IRAK1BP1: variants seen among roughly 807,000 people sequenced by gnomAD.
IRAK1BP1 encodes the protein interleukin 1 receptor associated kinase 1 binding protein 1.
In IRAK1BP1, 24 loss-of-function variants were observed where a neutral mutation model predicts 28.0. The observed-to-expected ratio is 0.86, with a 90% CI of 0.62 to 1.20. The LOEUF is 1.20. Ranked by LOEUF, IRAK1BP1 falls within the 50% of genes most tolerant of loss-of-function variation. IRAK1BP1 has a pLI of 0.00. For synonymous variants in IRAK1BP1, 131 were observed against 116.3 expected (o/e 1.13, Z -0.81); for missense variants, 336 against 316.7 (o/e 1.06, Z -0.46).
chr6:78,971,956 C>T, the IRAK1BP1 span, among the ~76,000 whole-genome samples: 6 of 152,126 alleles, frequency 3.9e-5, no homozygotes, highest in South Asian at 6.2e-4. Flanking sequence ...GGGGGAGGGG[C>T]GCCCACCATT....
At chr6:78,891,214 A>G (rs1582013468) in intron 2 of IRAK1BP1, among the ~76,000 whole-genome samples, 1 of 152,258 alleles carries the variant, frequency 6.6e-6, no homozygotes, top group East Asian at 1.9e-4. Flanking sequence ...CAGGAATTCA[A>G]TGAAGACTAG....
intron 1 of IRAK1BP1, among the ~76,000 whole-genome samples, chr6:78,876,015 T>A (rs948950616): frequency 1.3e-5 from 2 of 152,182 alleles, no homozygotes; most frequent in Non-Finnish European, 2.9e-5. Flanking sequence ...ATTGTTATCA[T>A]CATGATTTGT....
chr6:78,901,725 TTACA>T lies in IRAK1BP1; in HGVS notation c.*3395_*3398del, dbSNP rs1378812766. The T allele has an allele frequency of 6.6e-6, 1 of 152,184 alleles. No individual in the cohort carries two copies. The allele number at this position is 152,184 out of a possible 1,614,324, so 9.4% of individuals were successfully genotyped here. A position where few individuals can be genotyped will look rare whatever the true frequency, so the allele number is the denominator to read the frequency against. On this transcript the variant is annotated 3_prime_UTR_variant, in exon 4 of 4. Coordinates refer to ENST00000369940, the MANE Select transcript of IRAK1BP1 (RefSeq NM_001010844.4). The stretch of plus-strand genomic sequence containing the variant: ...TAATGAATTTTAGGATTCCATTCAA[TTACA>T]TACTAAAAATTACATTTTTTATAGT...
chr6:78,883,712 A>C (rs529173219), intron 1 of IRAK1BP1, among the ~76,000 whole-genome samples: 2 of 152,328 alleles, frequency 1.3e-5, no homozygotes, highest in East Asian at 1.9e-4. Flanking sequence ...TCTTGCAGTC[A>C]GTCTTGGTCC....
At chr6:78,940,636 C>T in intron 4 of IRAK1BP1, 1 of 953,544 alleles carries the variant, frequency 1.0e-6, no homozygotes, top group East Asian at 5.5e-5. Flanking sequence ...CTTAGTTCTA[C>T]TTATTCCTTA....
the IRAK1BP1 span, among the ~76,000 whole-genome samples, chr6:78,967,430 G>A: frequency 6.6e-6 from 1 of 152,184 alleles, no homozygotes; most frequent in African/African-American, 2.4e-5. Flanking sequence ...AGTAATGTGT[G>A]CCTAATCATA....
intron 4 of IRAK1BP1, among the ~76,000 whole-genome samples, chr6:78,942,053 G>A (rs2127678546): frequency 6.6e-6 from 1 of 152,216 alleles, no homozygotes; most frequent in Non-Finnish European, 1.5e-5. Flanking sequence ...TTTCTGACAT[G>A]TTTTTATTTG....
At chr6:78,945,534 A>G in exon 5 of IRAK1BP1, 1 of 1,277,746 alleles carries the variant, frequency 7.8e-7, no homozygotes, top group African/African-American at 1.5e-5. Flanking sequence ...ATTAAGAGTT[A>G]TTGAACCTAA....
chr6:78,972,871 G>A, the IRAK1BP1 span, among the ~76,000 whole-genome samples: 1 of 152,096 alleles, frequency 6.6e-6, no homozygotes, highest in African/African-American at 2.4e-5. Context: ...AAGAAATATA[G>A]GACTATGTGA....
At chr6:78,968,091 C>T in the IRAK1BP1 span, among the ~76,000 whole-genome samples, 1 of 152,062 alleles carries the variant, frequency 6.6e-6, no homozygotes, top group African/African-American at 2.4e-5. Flanking sequence ...GCCAAGATCA[C>T]GGCACTGCAC....
At chr6:78,894,077 G>A (rs1304628892) in intron 2 of IRAK1BP1, among the ~76,000 whole-genome samples, 1 of 152,152 alleles carries the variant, frequency 6.6e-6, no homozygotes, top group South Asian at 2.1e-4. Context: ...ATGGTAGATT[G>A]TAATAACTTA....
chr6:78,920,821 A>AAT (rs555254093), intron 4 of IRAK1BP1, among the ~76,000 whole-genome samples: 423 of 151,758 alleles, frequency 2.8e-3, no homozygotes, highest in Non-Finnish European at 4.4e-3. Flanking sequence ...GTGCATAGCA[A>AAT]ATATATATAT....
At position 78,898,208 on chromosome 6, in the gene IRAK1BP1, G is replaced by A. The variant is rs1225561604; in HGVS notation, c.657G>A (p.Gln219=). The part of the protein sequence containing the change: ...KEWEGQIDDH[Q]SSRLSSSLTV... The stretch of plus-strand genomic sequence containing the variant: ...GGGAAGGCCAAATAGATGATCACCA[G>A]TCATCCAGACTCTCAAGTTCATTAA... The change falls in exon 4 of 4, where the codon CAG becomes CAA. Residue 219 remains glutamine, a synonymous_variant. Transcript: ENST00000369940. 10 of 1,613,552 alleles carry A rather than the reference G, an allele frequency of 6.2e-6. No individual in the cohort carries two copies. Among genetic ancestry groups the A allele is most frequent in the Non-Finnish European group, 8.5e-6 (10 of 1,179,874 alleles).
chr6:78,940,826 T>C (rs1388203673), intron 4 of IRAK1BP1: 5 of 1,614,042 alleles, frequency 3.1e-6, no homozygotes, highest in Non-Finnish European at 3.4e-6. Context: ...ATCCTCATTA[T>C]AGAAAGCTGT....
chr6:78,870,474 T>G (rs1202238316), intron 1 of IRAK1BP1, among the ~76,000 whole-genome samples: 1 of 151,912 alleles, frequency 6.6e-6, no homozygotes, highest in Admixed American at 6.6e-5. Flanking sequence ...GTCCATACAC[T>G]TCACATAATG....
At chr6:78,955,569 T>C in the IRAK1BP1 span, 3 of 674,826 alleles carry the variant, frequency 4.4e-6, no homozygotes, top group African/African-American at 1.9e-5. Context: ...AATTTTTTTA[T>C]ATAGAGAATA....
chr6:78,974,714 A>G, the IRAK1BP1 span, among the ~76,000 whole-genome samples: 1 of 152,344 alleles, frequency 6.6e-6, no homozygotes, highest in African/African-American at 2.4e-5. Flanking sequence ...CCACAGAAAT[A>G]CAAACTACCA....
the IRAK1BP1 span, chr6:78,963,296 T>G: frequency 6.7e-7 from 1 of 1,498,712 alleles, no homozygotes; most frequent in Non-Finnish European, 9.1e-7. Context: ...GGTAACTTAT[T>G]AGTATTCAGG....
the IRAK1BP1 span, among the ~76,000 whole-genome samples, chr6:78,974,087 C>T: frequency 6.6e-6 from 1 of 152,026 alleles, no homozygotes; most frequent in East Asian, 1.9e-4. Context: ...TTTTCAGCAC[C>T]ACACCACACC....
Sources: allele counts gnomAD v4.1 joint callset (sites outside exome capture counted in the v4.1 genomes callset), GRCh38; gene constraint gnomAD v4.1.1; transcripts MANE v1.5; gene names NCBI Gene and HGNC (gene_info 2026-07-23, HGNC 2026-07-21).